The following LRMDA variants were observed in gnomAD, a reference collection of about 807,000 sequenced individuals.
LRMDA encodes the protein leucine-rich melanocyte differentiation-associated protein.
A neutral mutation model predicts 29.8 loss-of-function variants in LRMDA; 18 were observed. The ratio of observed to expected loss-of-function variants is 0.60; its 90% CI spans 0.42 to 0.90. LRMDA has a LOEUF of 0.90. Ranked by LOEUF, LRMDA falls within the 40% of genes least tolerant of loss-of-function variation. LRMDA has a pLI of 0.00. For missense variants in LRMDA, 273 were observed against 273.9 expected (o/e 1.00, Z 0.02); for synonymous variants, 125 against 109.4 (o/e 1.14, Z -0.89).
intron 6 of LRMDA, among the ~76,000 whole-genome samples, chr10:76,375,835 AT>A (rs1284927045): frequency 6.6e-6 from 1 of 151,836 alleles, no homozygotes; most frequent in Non-Finnish European, 1.5e-5. Context: ...CAAGTTTTAC[AT>A]TTGACTATAT....
intron 2 of LRMDA, among the ~76,000 whole-genome samples, chr10:75,777,676 G>T (rs913943566): frequency 1.3e-4 from 20 of 152,230 alleles, no homozygotes; most frequent in Non-Finnish European, 2.5e-4. Flanking sequence ...GCCTTAGCCA[G>T]GCTGCCGGGA....
At chr10:76,346,944 A>G (rs1841115885) in intron 6 of LRMDA, among the ~76,000 whole-genome samples, 1 of 152,210 alleles carries the variant, frequency 6.6e-6, no homozygotes, top group Non-Finnish European at 1.5e-5. Flanking sequence ...GATGATTAGG[A>G]GAGCACTTCT....
chr10:76,085,592 C>G, intron 5 of LRMDA, among the ~76,000 whole-genome samples: 1 of 152,094 alleles, frequency 6.6e-6, no homozygotes, highest in East Asian at 1.9e-4. Context: ...GGGATGGTGA[C>G]TTTCCTTTCT....
At chr10:76,032,801 T>C (rs1848172224) in intron 2 of LRMDA, among the ~76,000 whole-genome samples, 1 of 152,224 alleles carries the variant, frequency 6.6e-6, no homozygotes, top group East Asian at 1.9e-4. Flanking sequence ...TGCTCTCTCC[T>C]ATCAGCCCCC....
At chr10:75,615,529 T>C (rs1454977809) in intron 2 of LRMDA, among the ~76,000 whole-genome samples, 1 of 152,266 alleles carries the variant, frequency 6.6e-6, no homozygotes, top group East Asian at 1.9e-4. Context: ...TGATGAAAAG[T>C]CTGTATGACA....
At chr10:75,961,668 G>A (rs1191607211) in intron 2 of LRMDA, among the ~76,000 whole-genome samples, 3 of 152,176 alleles carry the variant, frequency 2.0e-5, no homozygotes, top group African/African-American at 7.2e-5. Context: ...GGGAAACGGG[G>A]ACTGGGGCTG....
intron 5 of LRMDA, among the ~76,000 whole-genome samples, chr10:76,100,534 A>T (rs1349499163): frequency 7.3e-6 from 1 of 136,276 alleles, no homozygotes; most frequent in African/African-American, 2.7e-5. Flanking sequence ...TCCAACATCA[A>T]TCAATGGCTT....
At chr10:76,178,187 C>T (rs1850976352) in intron 5 of LRMDA, among the ~76,000 whole-genome samples, 1 of 152,082 alleles carries the variant, frequency 6.6e-6, no homozygotes, top group Non-Finnish European at 1.5e-5. Context: ...CCCTCAGGGC[C>T]TTGTGTTGAA....
At chr10:76,308,422 G>C (rs1215192547) in intron 5 of LRMDA, among the ~76,000 whole-genome samples, 1 of 152,192 alleles carries the variant, frequency 6.6e-6, no homozygotes, top group Non-Finnish European at 1.5e-5. Context: ...GGAGCCACAT[G>C]GTGGCTGTTC....
chr10:76,112,721 A>T (rs886681320), intron 5 of LRMDA, among the ~76,000 whole-genome samples: 7 of 152,184 alleles, frequency 4.6e-5, no homozygotes, highest in Non-Finnish European at 1.0e-4. Flanking sequence ...GTGCAATCTT[A>T]ATGCCAGAAC....
intron 2 of LRMDA, among the ~76,000 whole-genome samples, chr10:75,851,634 G>T (rs1446230923): frequency 6.6e-6 from 1 of 152,144 alleles, no homozygotes; most frequent in East Asian, 1.9e-4. Context: ...TTAGATGATA[G>T]TGACCCATTG....
chr10:76,296,395 T>C (rs977274997), intron 5 of LRMDA, among the ~76,000 whole-genome samples: 1 of 152,208 alleles, frequency 6.6e-6, no homozygotes, highest in Non-Finnish European at 1.5e-5. Flanking sequence ...AAAATTCTCT[T>C]CCAAGTCCCT....
chr10:76,107,708 G>T (rs1387079637), intron 5 of LRMDA, among the ~76,000 whole-genome samples: 1 of 152,108 alleles, frequency 6.6e-6, no homozygotes, highest in East Asian at 1.9e-4. Flanking sequence ...CAACATACCT[G>T]TGTGGCTCCT....
chr10:75,966,100 A>G (rs937324281), intron 2 of LRMDA, among the ~76,000 whole-genome samples: 1 of 152,334 alleles, frequency 6.6e-6, no homozygotes, highest in African/African-American at 2.4e-5. Flanking sequence ...TGCTAGTTTC[A>G]TGTCTTCCTA....
At chr10:76,101,244 G>A (rs913323610) in intron 5 of LRMDA, among the ~76,000 whole-genome samples, 2 of 152,160 alleles carry the variant, frequency 1.3e-5, no homozygotes, top group Non-Finnish European at 2.9e-5. Context: ...AGAAGTGCTA[G>A]TCTGTACCTT....
chr10:76,008,135 A>G (rs1043987699), intron 2 of LRMDA, among the ~76,000 whole-genome samples: 24 of 152,168 alleles, frequency 1.6e-4, no homozygotes, highest in African/African-American at 5.8e-4. Flanking sequence ...AAGCCTCTGG[A>G]AAACTCCCAT....
At chr10:75,705,146 T>C (rs1842351366) in intron 2 of LRMDA, among the ~76,000 whole-genome samples, 1 of 152,206 alleles carries the variant, frequency 6.6e-6, no homozygotes, top group Admixed American at 6.5e-5. Context: ...AGTGTGTTAT[T>C]TTCTCTTTTC....
intron 6 of LRMDA, among the ~76,000 whole-genome samples, chr10:76,554,322 C>A (rs1589235457): frequency 6.6e-6 from 1 of 152,280 alleles, no homozygotes; most frequent in South Asian, 2.1e-4. Flanking sequence ...TGTCTGCAAC[C>A]CTGATGGTGT....
chr10:75,750,250 G>A (rs11001492), intron 2 of LRMDA, among the ~76,000 whole-genome samples: 7,320 of 151,356 alleles, frequency 0.048, 472 homozygotes, highest in East Asian at 0.32. Context: ...GCTGCCGGGC[G>A]GGGGCTGCCC....
Sources: gnomAD v4.1 joint callset for allele counts (sites outside exome capture counted in the v4.1 genomes callset) on GRCh38, gnomAD v4.1.1 for gene constraint, MANE v1.5 for transcripts, NCBI Gene and HGNC (gene_info 2026-07-23, HGNC 2026-07-21) for gene names.